The following ZNF33B variants were observed in gnomAD, a reference collection of about 807,000 sequenced individuals.
The protein encoded by ZNF33B is zinc finger protein 11b (KOX 2).
Under a neutral mutation model 45.8 loss-of-function variants are expected in ZNF33B, and 29 were observed. The ratio of observed to expected loss-of-function variants is 0.63; its 90% confidence interval spans 0.47 to 0.86. The LOEUF (loss-of-function observed/expected upper bound fraction) is 0.86. ZNF33B is among the 40% of genes least tolerant of loss of function. The pLI, the probability that ZNF33B is intolerant of heterozygous loss-of-function variation, is 0.00. For synonymous variants in ZNF33B, 305 were observed against 307.8 expected (o/e 0.99, Z 0.10); for missense variants, 831 against 909.9 (o/e 0.91, Z 1.12).
intron 4 of ZNF33B, among the ~76,000 whole-genome samples, chr10:42,628,514 G>C (rs891497712): frequency 6.6e-5 from 10 of 152,148 alleles, no homozygotes; most frequent in African/African-American, 2.2e-4. Flanking sequence ...TTTGAGGTTT[G>C]CTAGAGACAC....
chr10:42,597,999 T>G (rs1837470686), intron 4 of ZNF33B, among the ~76,000 whole-genome samples: 1 of 152,210 alleles, frequency 6.6e-6, no homozygotes, highest in Non-Finnish European at 1.5e-5. Flanking sequence ...ACCCTATTTT[T>G]AAAGTTGACT....
chr10:42,608,892 A>G (rs1193519964), intron 4 of ZNF33B, among the ~76,000 whole-genome samples: 1 of 152,102 alleles, frequency 6.6e-6, no homozygotes, highest in African/African-American at 2.4e-5. Flanking sequence ...AAAAAAAAAA[A>G]AAGAAGATTC....
Position 42,594,599 on chromosome 10 carries a change from T to C in ZNF33B, c.351A>G (p.Glu117=). ...ATGGTATTCCTATTACATTACCTTGTTCCTTAGTCAGCATTTCATTATTGA... is the reference window on the plus strand; with the variant it reads ...ATGGTATTCCTATTACATTACCTTGCTCCTTAGTCAGCATTTCATTATTGA... ...VFINNEMLTK[E]QGNVIGIPFN... Residue 117 remains glutamate, a synonymous_variant, in exon 5 of 5, where the codon GAA becomes GAG. Transcript: ENST00000359467. 6.2e-7 allele frequency: 1 copy of C among 1,611,120 alleles called. No individual in the cohort carries two copies. The highest frequency in any genetic ancestry group is 8.5e-7 in the Non-Finnish European group (1 of 1,179,194).
chr10:42,612,149 T>G (rs529776654), intron 4 of ZNF33B, among the ~76,000 whole-genome samples: 1 of 151,856 alleles, frequency 6.6e-6, no homozygotes, highest in Non-Finnish European at 1.5e-5. Flanking sequence ...TTATCATGAA[T>G]GGGTGTTGAA....
At chr10:42,629,936 A>C (rs1315186326) in intron 4 of ZNF33B, among the ~76,000 whole-genome samples, 1 of 152,124 alleles carries the variant, frequency 6.6e-6, no homozygotes, top group Non-Finnish European at 1.5e-5. Flanking sequence ...GTTTCATTCC[A>C]CTTAGGCCCC....
chr10:42,634,642 A>G lies in ZNF33B; in HGVS notation c.10-2203T>C, dbSNP rs565055089. Among the ~76,000 whole-genome samples the G allele has an allele frequency of 9.2e-5, 14 of 152,306 alleles. No homozygotes were observed. The South Asian group carries it at 1.4e-3, about 16-fold the overall frequency. On this transcript the variant is annotated intron_variant, in intron 2 of 4. Transcript: ENST00000359467. ...ACAGTCCAAAAAAACACACAGACATATATGTACACATAATTGATGAAAATA... is the reference window on the plus strand; with the variant it reads ...ACAGTCCAAAAAAACACACAGACATGTATGTACACATAATTGATGAAAATA...
Position 42,594,027 on chromosome 10 carries a change from T to C in ZNF33B, c.923A>G (p.Asn308Ser). Reference sequence around the variant, plus strand: ...CAGACACAATTTCCTCCTGAAATTATTCCCACTTTCACCACAATCATAGTG... The same window carrying C: ...CAGACACAATTTCCTCCTGAAATTACTCCCACTTTCACCACAATCATAGTG... ...VKHYDCGESG[N>S]NFRRKLCLSQ... Residue 308 changes from asparagine (N) to serine (S), a missense_variant, in exon 5 of 5, where the codon AAT becomes AGT. Asn to Ser is a conservative substitution (Grantham distance 46). Coordinates refer to ENST00000359467, the MANE Select transcript of ZNF33B (RefSeq NM_006955.3). 1 of 1,614,104 alleles carries C rather than the reference T, an allele frequency of 6.2e-7. No homozygotes were observed. The highest frequency in any genetic ancestry group is 8.5e-7 in the Non-Finnish European group (1 of 1,179,972).
At chr10:42,610,913 A>C (rs1838071942) in intron 4 of ZNF33B, among the ~76,000 whole-genome samples, 2 of 152,264 alleles carry the variant, frequency 1.3e-5, no homozygotes, top group African/African-American at 4.8e-5. Context: ...TTGCTACAAA[A>C]TTACAATAAT....
Position 42,592,991 on chromosome 10 carries a change from A to G in ZNF33B, c.1959T>C (p.Ile653=). The G allele has an allele frequency of 6.2e-7, 1 of 1,613,922 alleles. No homozygotes were observed. The highest frequency in any genetic ancestry group is 1.3e-5 in the African/African-American group (1 of 74,996). The change falls in exon 5 of 5, where the codon ATT becomes ATC. Residue 653 remains isoleucine (I), a synonymous_variant. Coordinates refer to ENST00000359467, the MANE Select transcript of ZNF33B (RefSeq NM_006955.3). ...GKAFCHKSAL[I]VHQRTHTQEK... ...CTTGTGTATGGGTTCTCTGATGTAC[A>G]ATTAGAGCTGACTTATGGCAGAAAG...
At chr10:42,637,787 G>C (rs912660691) in intron 1 of ZNF33B, among the ~76,000 whole-genome samples, 1 of 151,970 alleles carries the variant, frequency 6.6e-6, no homozygotes, top group Middle Eastern at 3.2e-3. Context: ...TCAGTAGCTG[G>C]GATTACAGTC....
chr10:42,614,862 A>C (rs1838247847), intron 4 of ZNF33B, among the ~76,000 whole-genome samples: 1 of 152,040 alleles, frequency 6.6e-6, no homozygotes, highest in Non-Finnish European at 1.5e-5. Context: ...GCTGAGGCAG[A>C]GAATTGCTTG....
chr10:42,599,767 A>C (rs1326857751), intron 4 of ZNF33B, among the ~76,000 whole-genome samples: 1 of 152,104 alleles, frequency 6.6e-6, no homozygotes. Context: ...TAAACCCAAA[A>C]GTAAGTAGCA....
At chr10:42,595,637 G>C (rs1424335014) in intron 4 of ZNF33B, among the ~76,000 whole-genome samples, 1 of 152,062 alleles carries the variant, frequency 6.6e-6, no homozygotes, top group Non-Finnish European at 1.5e-5. Flanking sequence ...TAATACAATG[G>C]CATTCATGTC....
chr10:42,595,225 A>C (rs1837349631), intron 4 of ZNF33B, among the ~76,000 whole-genome samples: 1 of 152,216 alleles, frequency 6.6e-6, no homozygotes, highest in Non-Finnish European at 1.5e-5. Context: ...GGAGACAGAC[A>C]GCCCAGAGAG....
chr10:42,600,692 T>C lies in ZNF33B; in HGVS notation c.251-5993A>G, dbSNP rs190242910. 7.2e-5 allele frequency among the ~76,000 whole-genome samples: 11 copies of C among 152,316 alleles called. No homozygotes were observed. In the East Asian group the frequency reaches 1.9e-3, roughly 27 times the overall value. On this transcript the variant is annotated intron_variant, in intron 4 of 4. Transcript: ENST00000359467. ...TGATCATCAATGTTTATAAAAGCTT[T>C]AATCAGTGTACTTTTCAGTAACAGT...
chr10:42,605,343 T>C (rs565607555), intron 4 of ZNF33B: 4 of 142,822 alleles, frequency 2.8e-5, no homozygotes, highest in African/African-American at 7.8e-5. Context: ...TCAAGAGAAA[T>C]ACAACTCCTC....
rs1317830088 is a variant in ZNF33B, at chr10:42,590,105, T to C, written c.*2508A>G. Reference sequence around the variant, plus strand: ...GCAATGGATTGCACTGAATATCAAATGTTGAACAAGGCTTGCATTCCTGAT... The same window carrying C: ...GCAATGGATTGCACTGAATATCAAACGTTGAACAAGGCTTGCATTCCTGAT... On this transcript the variant is annotated 3_prime_UTR_variant, in exon 5 of 5. Transcript: ENST00000359467. 6.6e-6 allele frequency: 1 copy of C among 152,244 alleles called. No individual in the cohort carries two copies. Among genetic ancestry groups the C allele is most frequent in the East Asian group, 1.9e-4 (1 of 5,198 alleles). The allele number at this position is 152,244 out of a possible 1,614,324, so 9.4% of individuals were successfully genotyped here. A position where few individuals can be genotyped will look rare whatever the true frequency, so the allele number is the denominator to read the frequency against.
rs1837314069 is a variant in ZNF33B, at chr10:42,594,569, G to A, written c.381C>T (p.Asn127=). The A allele has an allele frequency of 2.5e-6, 4 of 1,613,320 alleles. No individual in the cohort carries two copies. The highest frequency in any genetic ancestry group is 1.3e-5 in the African/African-American group (1 of 74,880). The change falls in exon 5 of 5, where the codon AAC becomes AAT. Residue 127 remains asparagine (N), a synonymous_variant. Coordinates refer to ENST00000359467, the MANE Select transcript of ZNF33B (RefSeq NM_006955.3). ...TGGAAGGAAAAGAACTTACGTCCAT[G>A]TTAAATGGTATTCCTATTACATTAC... ...EQGNVIGIPF[N]MDVSSFPSRK...
At chr10:42,608,872 C>T (rs781677355) in intron 4 of ZNF33B, among the ~76,000 whole-genome samples, 1 of 142,902 alleles carries the variant, frequency 7.0e-6, no homozygotes, top group African/African-American at 2.8e-5. Context: ...TCTAATTAGA[C>T]TGACAATGGA....
Sources: allele counts gnomAD v4.1 joint callset (sites outside exome capture counted in the v4.1 genomes callset), GRCh38; gene constraint gnomAD v4.1.1; transcripts MANE v1.5; gene names NCBI Gene and HGNC (gene_info 2026-07-23, HGNC 2026-07-21).